Variants in FAM81A observed in about 807,000 individuals in gnomAD.
FAM81A encodes family with sequence similarity 81 member A.
A neutral mutation model predicts 46.7 loss-of-function variants in FAM81A; 19 were observed. That is an observed-to-expected ratio of 0.41 (90% confidence interval 0.28 to 0.60). FAM81A has a LOEUF of 0.60. Ranked by LOEUF, FAM81A falls within the 20% of genes least tolerant of loss-of-function variation. FAM81A has a pLI of 0.34. For missense variants in FAM81A, 377 were observed against 453.5 expected, an observed-to-expected ratio of 0.83 and a Z score of 1.53; for synonymous variants, 183 against 152.9, an observed-to-expected ratio of 1.20 and a Z score of -1.45.
At chr15:59,502,003 A>G (rs1391933394) in intron 4 of FAM81A, among the ~76,000 whole-genome samples, 2 of 151,918 alleles carry the variant, frequency 1.3e-5, no homozygotes, top group Non-Finnish European at 2.9e-5. Flanking sequence ...TATCTTAAAT[A>G]TATTTTTATT....
chr15:59,439,796 T>C (rs1371757435), intron 1 of FAM81A, among the ~76,000 whole-genome samples: 3 of 152,160 alleles, frequency 2.0e-5, no homozygotes, highest in Non-Finnish European at 4.4e-5. Flanking sequence ...CTACCAACCA[T>C]TTAATGAGCC....
At position 59,462,517 on chromosome 15, in the gene FAM81A, A is replaced by G. The variant is rs185361984; in HGVS notation, c.294+2311A>G. ...AAGTTAGATTTTCTTCATTGTGGGG[A>G]AAAAAGCTACCATTTTAACCATTTT... is the stretch of plus-strand genomic sequence containing the variant. On this transcript the variant is annotated intron_variant, in intron 3 of 8. Transcript: ENST00000288228. Among the ~76,000 whole-genome samples the G allele has an allele frequency of 2.6e-5, 4 of 152,242 alleles. No individual in the cohort carries two copies. The East Asian group carries it at 7.7e-4, about 29-fold the overall frequency.
intron 2 of FAM81A, among the ~76,000 whole-genome samples, chr15:59,410,160 G>A (rs1447069844): frequency 6.6e-6 from 1 of 152,080 alleles, no homozygotes; most frequent in Admixed American, 6.6e-5. Context: ...TGTCAGGCAT[G>A]GTGGCGTGCA....
At chr15:59,439,382 G>A (rs1228505184) in intron 1 of FAM81A, among the ~76,000 whole-genome samples, 1 of 151,390 alleles carries the variant, frequency 6.6e-6, no homozygotes, top group Non-Finnish European at 1.5e-5. Flanking sequence ...CTGAATGCGC[G>A]TGTGTGTATG....
chr15:59,411,167 C>T (rs1259873550), intron 2 of FAM81A, among the ~76,000 whole-genome samples: 1 of 152,044 alleles, frequency 6.6e-6, no homozygotes, highest in Non-Finnish European at 1.5e-5. Flanking sequence ...TGTGAATGAC[C>T]CCAAATATCA....
chr15:59,444,292 G>A (rs1193834440), intron 1 of FAM81A: 5 of 152,196 alleles, frequency 3.3e-5, no homozygotes, highest in Admixed American at 1.3e-4. Context: ...TGAGACCCAT[G>A]CCTTACCCGA....
rs557911162 is a variant in FAM81A at position 59,495,767 on chromosome 15, A to G, written c.413+3378A>G. Among the ~76,000 whole-genome samples, 6 of 152,324 alleles carry G rather than the reference A, an allele frequency of 3.9e-5. No individual in the cohort carries two copies. The East Asian group carries it at 9.6e-4, about 24-fold the overall frequency. ...TTTGATTGCATCCCCCTGAGGACTAATGGTGTTGAACATCATTTAATGTGC... is the reference window on the plus strand; with the variant it reads ...TTTGATTGCATCCCCCTGAGGACTAGTGGTGTTGAACATCATTTAATGTGC... On this transcript the variant is annotated intron_variant, in intron 4 of 8. Coordinates refer to ENST00000288228, the MANE Select transcript of FAM81A (RefSeq NM_152450.3).
chr15:59,448,459 G>C (rs139560472), intron 1 of FAM81A, among the ~76,000 whole-genome samples: 190 of 152,268 alleles, frequency 1.2e-3, no homozygotes, highest in African/African-American at 4.4e-3. Context: ...GGAGCAAAGT[G>C]CTGGCTTCCA....
chr15:59,483,332 C>T (rs979644547), intron 3 of FAM81A, among the ~76,000 whole-genome samples: 5 of 152,028 alleles, frequency 3.3e-5, no homozygotes, highest in South Asian at 2.1e-4. Flanking sequence ...CTACTGTGGC[C>T]GCCCAGTGAA....
intron 1 of FAM81A, among the ~76,000 whole-genome samples, chr15:59,456,786 G>C (rs2081490451): frequency 6.6e-6 from 1 of 152,094 alleles, no homozygotes; most frequent in African/African-American, 2.4e-5. Context: ...ATGTTGCCCA[G>C]CTGGCCTCGA....
At chr15:59,462,772 C>G (rs2081568176) in intron 3 of FAM81A, among the ~76,000 whole-genome samples, 1 of 152,112 alleles carries the variant, frequency 6.6e-6, no homozygotes, top group South Asian at 2.1e-4. Context: ...ATAATTTGTA[C>G]TTTTGTGTCT....
At chr15:59,448,445 C>A (rs1395456806) in intron 1 of FAM81A, among the ~76,000 whole-genome samples, 1 of 152,026 alleles carries the variant, frequency 6.6e-6, no homozygotes, top group African/African-American at 2.4e-5. Flanking sequence ...AACTGTGGTG[C>A]CTTGGAGCAA....
At chr15:59,450,426 G>C (rs2141612263) in intron 1 of FAM81A, among the ~76,000 whole-genome samples, 1 of 152,080 alleles carries the variant, frequency 6.6e-6, no homozygotes, top group Non-Finnish European at 1.5e-5. Flanking sequence ...TTTTTTAATA[G>C]TAGAATTATT....
chr15:59,474,257 G>C (rs1174499551), intron 3 of FAM81A, among the ~76,000 whole-genome samples: 1 of 152,204 alleles, frequency 6.6e-6, no homozygotes, highest in Admixed American at 6.6e-5. Flanking sequence ...GGTGAATGCT[G>C]TCATAGTATA....
At chr15:59,436,998 C>A (rs1279417150), upstream of FAM81A, among the ~76,000 whole-genome samples, 3 of 152,162 alleles carry the variant, frequency 2.0e-5, no homozygotes, top group Non-Finnish European at 4.4e-5. Flanking sequence ...CACTTGGCAG[C>A]CATCCAATAG....
At chr15:59,493,595 C>T (rs957283987) in intron 4 of FAM81A, among the ~76,000 whole-genome samples, 5 of 151,956 alleles carry the variant, frequency 3.3e-5, no homozygotes, top group Non-Finnish European at 7.4e-5. Flanking sequence ...CTTTTCTTTT[C>T]TTTTTATTTT....
At chr15:59,488,497 A>T (rs1462494209) in intron 3 of FAM81A, among the ~76,000 whole-genome samples, 5 of 152,254 alleles carry the variant, frequency 3.3e-5, no homozygotes, top group African/African-American at 1.2e-4. Flanking sequence ...TTTGCAGATG[A>T]TATGATCTTA....
At chr15:59,485,032 C>G (rs1273006958) in intron 3 of FAM81A, among the ~76,000 whole-genome samples, 1 of 152,150 alleles carries the variant, frequency 6.6e-6, no homozygotes, top group Admixed American at 6.5e-5. Flanking sequence ...ACTCCTCACC[C>G]TGGGGAAAGT....
At chr15:59,493,423 T>A (rs2141761507) in intron 4 of FAM81A, among the ~76,000 whole-genome samples, 1 of 152,264 alleles carries the variant, frequency 6.6e-6, no homozygotes, top group South Asian at 2.1e-4. Context: ...CTTAGTGTGA[T>A]CCTTGGTGAT....
Sources: gnomAD v4.1 joint callset for allele counts (sites outside exome capture counted in the v4.1 genomes callset) on GRCh38, gnomAD v4.1.1 for gene constraint, MANE v1.5 for transcripts, NCBI Gene and HGNC (gene_info 2026-07-23, HGNC 2026-07-21) for gene names.